Variants in LYN observed in about 807,000 individuals in gnomAD.
The protein encoded by LYN is LYN proto-oncogene, Src family tyrosine kinase, also known as tyrosine-protein kinase Lyn.
A neutral mutation model predicts 65.0 loss-of-function variants in LYN; 12 were observed. That is an observed-to-expected ratio of 0.18 (90% confidence interval 0.12 to 0.30). The LOEUF (loss-of-function observed/expected upper bound fraction) is 0.30. LYN is among the 10% of genes least tolerant of loss of function. The pLI is 1.00. For synonymous variants in LYN, 222 were observed against 221.2 expected, an observed-to-expected ratio of 1.00 and a Z score of -0.03; for missense variants, 380 against 623.2, an observed-to-expected ratio of 0.61 and a Z score of 4.16.
chr8:55,887,575 T>TATATATAC (rs1554573193), intron 1 of LYN, among the ~76,000 whole-genome samples: 1 of 93,462 alleles, frequency 1.1e-5, no homozygotes, highest in East Asian at 4.0e-4. Flanking sequence ...TATATATATA[T>TATATATAC]ACACACACAC....
At chr8:55,886,272 G>A (rs549385376) in intron 1 of LYN, among the ~76,000 whole-genome samples, 6 of 136,024 alleles carry the variant, frequency 4.4e-5, no homozygotes, top group East Asian at 4.4e-4. Flanking sequence ...ATGGAGTCTC[G>A]CTCTGTCGCC....
At chr8:55,937,935 G>C (rs1277671894) in intron 1 of LYN, among the ~76,000 whole-genome samples, 1 of 152,128 alleles carries the variant, frequency 6.6e-6, no homozygotes, top group African/African-American at 2.4e-5. Context: ...GACCTCAGAT[G>C]ATCCACCCGC....
At chr8:55,894,666 A>G (rs1805042174) in intron 1 of LYN, among the ~76,000 whole-genome samples, 1 of 151,048 alleles carries the variant, frequency 6.6e-6, no homozygotes, top group Admixed American at 6.6e-5. Context: ...CTGTGTAGCT[A>G]TTATTACAGG....
chr8:55,939,739 AG>A (rs1563519915), intron 1 of LYN, among the ~76,000 whole-genome samples: 1 of 152,122 alleles, frequency 6.6e-6, no homozygotes, highest in Non-Finnish European at 1.5e-5. Flanking sequence ...CACGATTTTA[AG>A]GGATGGTGAG....
chr8:55,945,706 C>T (rs1328619885), intron 2 of LYN, among the ~76,000 whole-genome samples: 1 of 152,146 alleles, frequency 6.6e-6, no homozygotes, highest in African/African-American at 2.4e-5. Flanking sequence ...GTCTTCTGTG[C>T]CACCAAATCC....
At chr8:55,897,036 G>A (rs577014755) in intron 1 of LYN, among the ~76,000 whole-genome samples, 13 of 152,198 alleles carry the variant, frequency 8.5e-5, no homozygotes, top group African/African-American at 2.9e-4. Context: ...CACTGCACCC[G>A]GCCTAAACTT....
At chr8:56,002,496 G>A (rs1157390806) in intron 12 of LYN, among the ~76,000 whole-genome samples, 1 of 151,330 alleles carries the variant, frequency 6.6e-6, no homozygotes, top group African/African-American at 2.4e-5. Flanking sequence ...CCTGTAATCC[G>A]GAGGCTGAGG....
chr8:55,891,717 C>G (rs535027247), intron 1 of LYN, among the ~76,000 whole-genome samples: 1 of 152,202 alleles, frequency 6.6e-6, no homozygotes, highest in South Asian at 2.1e-4. Flanking sequence ...TTTACCACAA[C>G]TTTAAAGAAT....
intron 12 of LYN, among the ~76,000 whole-genome samples, chr8:56,008,711 C>T (rs1370743201): frequency 1.3e-5 from 2 of 152,144 alleles, no homozygotes; most frequent in African/African-American, 4.8e-5. Context: ...AGGCCTTTTG[C>T]AGAGCTCTAG....
At chr8:55,887,571 T>TACACACACACACAC (rs771404548) in intron 1 of LYN, among the ~76,000 whole-genome samples, 2 of 50,352 alleles carry the variant, frequency 4.0e-5, no homozygotes, top group African/African-American at 1.7e-4. Flanking sequence ...TATATATATA[T>TACACACACACACAC]ATATACACAC....
intron 1 of LYN, among the ~76,000 whole-genome samples, chr8:55,898,720 C>G (rs973755714): frequency 2.6e-5 from 4 of 152,214 alleles, no homozygotes; most frequent in African/African-American, 7.2e-5. Flanking sequence ...ATTTTTATTA[C>G]ACAAAAAGAA....
intron 1 of LYN, among the ~76,000 whole-genome samples, chr8:55,931,074 C>CGT (rs1364877571): frequency 6.8e-6 from 1 of 147,496 alleles, no homozygotes; most frequent in Non-Finnish European, 1.5e-5. Context: ...TATACATATA[C>CGT]GTGTGTGTAT....
chr8:55,971,496 G>T (rs768200823), intron 10 of LYN, among the ~76,000 whole-genome samples: 6 of 152,220 alleles, frequency 3.9e-5, no homozygotes, highest in Non-Finnish European at 7.3e-5. Context: ...GTGTAACAAA[G>T]GTTTGTCACA....
Position 55,919,954 on chromosome 8 carries a change from CTTCT to C in LYN, c.-5-21898_-5-21895del, listed in dbSNP as rs1805899505. On this transcript the variant is annotated intron_variant, in intron 1 of 12. Coordinates refer to ENST00000519728, the MANE Select transcript of LYN (RefSeq NM_002350.4). Reference sequence around the variant, plus strand: ...CTTTGTCACGTGACCCCACTCTTTGCTTCTTTGTCTGTCCTCCAACTTAACATGG... The same window carrying C: ...CTTTGTCACGTGACCCCACTCTTTGCTTGTCTGTCCTCCAACTTAACATGG... 2.6e-5 allele frequency among the ~76,000 whole-genome samples: 4 copies of C among 152,338 alleles called. 1 individual carries two copies. The highest frequency in any genetic ancestry group is 2.6e-4 in the Admixed American group (4 of 15,308).
chr8:55,933,838 A>G (rs945655570), intron 1 of LYN, among the ~76,000 whole-genome samples: 2 of 152,210 alleles, frequency 1.3e-5, no homozygotes, highest in Non-Finnish European at 2.9e-5. Context: ...GCAGTGATTA[A>G]AACTGTGCCC....
chr8:55,964,222 T>C (rs1236194980), intron 8 of LYN, among the ~76,000 whole-genome samples: 1 of 152,138 alleles, frequency 6.6e-6, no homozygotes, highest in East Asian at 1.9e-4. Flanking sequence ...TTTTTCTTTT[T>C]CTTTTCTTTT....
chr8:55,909,825 A>C (rs1225636739), intron 1 of LYN, among the ~76,000 whole-genome samples: 1 of 152,046 alleles, frequency 6.6e-6, no homozygotes, highest in Non-Finnish European at 1.5e-5. Flanking sequence ...ATGAAGTCTC[A>C]TTGTGGTTTT....
chr8:55,919,915 A>AGG (rs1805897218), intron 1 of LYN, among the ~76,000 whole-genome samples: 1 of 99,652 alleles, frequency 1.0e-5, no homozygotes, highest in African/African-American at 4.3e-5. Context: ...GGGCGGGGGG[A>AGG]GTGGGGGTGG....
intron 8 of LYN, among the ~76,000 whole-genome samples, chr8:55,958,832 A>G (rs563357071): frequency 2.7e-4 from 41 of 152,364 alleles, no homozygotes; most frequent in African/African-American, 9.1e-4. Context: ...CTTTATATGC[A>G]TACATAACCT....
Sources: allele counts gnomAD v4.1 joint callset (sites outside exome capture counted in the v4.1 genomes callset), GRCh38; gene constraint gnomAD v4.1.1; transcripts MANE v1.5; gene names NCBI Gene and HGNC (gene_info 2026-07-23, HGNC 2026-07-21).